GPBP1: variants seen among roughly 807,000 people sequenced by gnomAD.
The protein encoded by GPBP1 is GC-rich promoter binding protein 1, also known as vasculin.
GPBP1 carries 13 observed loss-of-function variants against 56.5 expected under a neutral mutation model. The observed-to-expected ratio is 0.23, with a 90% confidence interval of 0.15 to 0.37. GPBP1 has a LOEUF of 0.37. Among genes scored for constraint, GPBP1 ranks in the 10% least tolerant of loss-of-function variants. The pLI, the probability that GPBP1 is intolerant of heterozygous loss-of-function variation, is 1.00. For synonymous variants in GPBP1, 204 were observed against 188.9 expected, an observed-to-expected ratio of 1.08 and a Z score of -0.66; for missense variants, 477 against 572.3, an observed-to-expected ratio of 0.83 and a Z score of 1.70.
chr5:57,245,240 C>G (rs1240989846), intron 6 of GPBP1, among the ~76,000 whole-genome samples: 3 of 152,098 alleles, frequency 2.0e-5, no homozygotes, highest in Non-Finnish European at 2.9e-5. Flanking sequence ...GAAAGATGAA[C>G]CTTTTCTCAG....
chr5:57,246,226 G>C (rs1057039853), intron 6 of GPBP1, 74 bp from the exon 7 acceptor site: 4 of 1,213,626 alleles, frequency 3.3e-6, no homozygotes, highest in Non-Finnish European at 4.6e-6. Flanking sequence ...GGAATATACT[G>C]TTCTTTTGGT....
At position 57,262,744 on chromosome 5, in the gene GPBP1, G is replaced by C. The variant is rs748673696; in HGVS notation, c.1414G>C (p.Asp472His). The C allele has an allele frequency of 6.2e-7, 1 of 1,612,722 alleles. No individual in the cohort carries two copies. The highest frequency in any genetic ancestry group is 8.5e-7 in the Non-Finnish European group (1 of 1,179,148). ...TAGCAGTGATACATCAGATGACGACGATGTGTGAAGGATTTCCTAACAGCT... is the reference window on the plus strand; with the variant it reads ...TAGCAGTGATACATCAGATGACGACCATGTGTGAAGGATTTCCTAACAGCT... Reference protein sequence around the residue: ...TSSSDTSDDDDV With the variant: ...TSSSDTSDDDHV The change falls in exon 12 of 12, where the codon GAT (aspartate) becomes CAT (histidine). Residue 472 changes from aspartate (D) to histidine (H), a missense_variant. Physicochemically the swap from Asp to His is moderately conservative, Grantham distance 81 (BLOSUM62 -1). This residue lies in a region of GPBP1 where 63 missense variants were observed against 114.0 expected (regional missense o/e 0.55). Coordinates refer to ENST00000506184, the MANE Select transcript of GPBP1 (RefSeq NM_022913.4).
chr5:57,178,681 G>C (rs867389554), intron 2 of GPBP1, among the ~76,000 whole-genome samples: 1 of 152,154 alleles, frequency 6.6e-6, no homozygotes, highest in East Asian at 1.9e-4. Context: ...TCAACTTTGC[G>C]TACAGCAGTT....
chr5:57,226,645 C>CGCCT (rs1561354407), intron 3 of GPBP1, among the ~76,000 whole-genome samples: 1 of 148,450 alleles, frequency 6.7e-6, no homozygotes. Flanking sequence ...CTGCAGCCTC[C>CGCCT]GCCTGCTGGG....
In GPBP1 at chr5:57,236,690, CT is replaced by C. The variant is rs561477295; in HGVS notation, c.478+664del. On this transcript the variant is annotated intron_variant, in intron 6 of 11. Coordinates refer to ENST00000506184, the MANE Select transcript of GPBP1 (RefSeq NM_022913.4). ...AACTCATATAGTACAATTTAGACAGCTTTTTTAAAGATTCAAGTGAAGTTTA... is the reference window on the plus strand; with the variant it reads ...AACTCATATAGTACAATTTAGACAGCTTTTTAAAGATTCAAGTGAAGTTTA... Among the ~76,000 whole-genome samples the C allele has an allele frequency of 3.3e-5, 5 of 151,900 alleles. No homozygotes were observed. The East Asian group carries it at 7.7e-4, about 23-fold the overall frequency.
chr5:57,245,643 A>C (rs183360771), intron 6 of GPBP1: 1 of 152,358 alleles, frequency 6.6e-6, no homozygotes, highest in East Asian at 1.9e-4. Context: ...TATTTTTGGC[A>C]ACTGCAGTAG....
At chr5:57,213,407 T>C (rs1755575752) in intron 2 of GPBP1, among the ~76,000 whole-genome samples, 1 of 152,182 alleles carries the variant, frequency 6.6e-6, no homozygotes, top group South Asian at 2.1e-4. Flanking sequence ...CTAAAGTGAT[T>C]ATTCCTTAGT....
chr5:57,258,440 A>G (rs1441773349), intron 10 of GPBP1, among the ~76,000 whole-genome samples: 3 of 152,148 alleles, frequency 2.0e-5, no homozygotes, highest in Non-Finnish European at 2.9e-5. Context: ...TGTACTGAAT[A>G]TTGTATAGTA....
intron 6 of GPBP1, chr5:57,246,008 C>T (rs1580069643): frequency 4.4e-6 from 1 of 225,128 alleles, no homozygotes. Context: ...TAATGCAAGG[C>T]ATGTTAAAAT....
At chr5:57,225,761 CACTG>C (rs1756159332) in intron 3 of GPBP1, among the ~76,000 whole-genome samples, 1 of 152,160 alleles carries the variant, frequency 6.6e-6, no homozygotes, top group Non-Finnish European at 1.5e-5. Flanking sequence ...GAGGAGATGA[CACTG>C]ACACACTGCT....
At position 57,256,316 on chromosome 5, in the gene GPBP1, G is replaced by GA. The variant is rs558883620; in HGVS notation, c.1161-4855dup. Among the ~76,000 whole-genome samples, 7 of 149,190 alleles carry GA rather than the reference G, an allele frequency of 4.7e-5. No homozygotes were observed. The South Asian group carries it at 6.4e-4, about 14-fold the overall frequency. On this transcript the variant is annotated intron_variant, in intron 10 of 11. Coordinates refer to ENST00000506184, the MANE Select transcript of GPBP1 (RefSeq NM_022913.4). ...TTGGAGTAAGCTCTAGAGGGAGGGG[G>GA]AAAAAAAAACACCCCATACTGCATG...
rs370988555 is a variant in GPBP1, at chr5:57,182,685, CTTAT to C, written c.-58+6296_-58+6299del. The stretch of plus-strand genomic sequence containing the variant: ...CGCACTCGGCTTCTTCTCTTTAATT[CTTAT>C]TTATTTATTTTTGAGACAAAGTGTC... On this transcript the variant is annotated intron_variant, in intron 2 of 11. Transcript: ENST00000506184. Among the ~76,000 whole-genome samples the C allele has an allele frequency of 3.0e-3, 448 of 150,910 alleles. 1 individual carries two copies. Among genetic ancestry groups the C allele is most frequent in the Middle Eastern group, 0.01 (3 of 292 alleles).
chr5:57,175,466 T>A lies in GPBP1; in HGVS notation c.-992T>A. 1 of 398,610 alleles carries A rather than the reference T, an allele frequency of 2.5e-6. No homozygotes were observed. The highest frequency in any genetic ancestry group is 4.4e-6 in the Non-Finnish European group (1 of 226,052). The allele number at this position is 398,610 out of a possible 1,614,324, so 24.7% of individuals were successfully genotyped here. A position where few individuals can be genotyped will look rare whatever the true frequency, so the allele number is the denominator to read the frequency against. On this transcript the variant is annotated 5_prime_UTR_variant, in exon 2 of 12. Coordinates refer to ENST00000506184, the MANE Select transcript of GPBP1 (RefSeq NM_022913.4). ...TTTACAGGTGATTGAATTACTCAGA[T>A]ATGAAGATCATCATCTAGGTTTTGT...
intron 2 of GPBP1, among the ~76,000 whole-genome samples, chr5:57,212,672 C>CTTTTTTTT (rs550327781): frequency 7.2e-6 from 1 of 139,744 alleles, no homozygotes; most frequent in Non-Finnish European, 1.6e-5. Context: ...TTCTTTTTTT[C>CTTTTTTTT]TTTTTTTTTT....
chr5:57,177,954 T>C (rs75461474), intron 2 of GPBP1, among the ~76,000 whole-genome samples: 70 of 152,280 alleles, frequency 4.6e-4, no homozygotes, highest in Admixed American at 2.0e-3. Flanking sequence ...GAGTTTTTTT[T>C]CTCTGAAATT....
Position 57,246,344 on chromosome 5 carries a change from A to G in GPBP1, c.523A>G (p.Ile175Val). The change falls in exon 7 of 12, where the codon ATT becomes GTT. Residue 175 changes from isoleucine (I) to valine (V), a missense_variant. Physicochemically the swap from Ile to Val is conservative, Grantham distance 29. This residue lies in a region of GPBP1 where 414 missense variants were observed against 458.2 expected (regional missense o/e 0.90). Coordinates refer to ENST00000506184, the MANE Select transcript of GPBP1 (RefSeq NM_022913.4). The part of the protein sequence containing the change: ...PKSRAPRMLV[I>V]KKGNTKDLQL... ...ATCTAGAGCTCCAAGGATGCTGGTC[A>G]TTAAGAAAGGTAATACAAAAGACTT... 1 of 1,613,874 alleles carries G rather than the reference A, an allele frequency of 6.2e-7. No homozygotes were observed. The highest frequency in any genetic ancestry group is 1.1e-5 in the South Asian group (1 of 91,070).
At chr5:57,247,456 G>A (rs1207461174) in intron 8 of GPBP1, among the ~76,000 whole-genome samples, 1 of 152,056 alleles carries the variant, frequency 6.6e-6, no homozygotes, top group Non-Finnish European at 1.5e-5. Context: ...TTGGGAAGTG[G>A]GACAGGAGGA....
intron 6 of GPBP1, chr5:57,237,336 T>A: frequency 1.6e-6 from 1 of 628,870 alleles, no homozygotes; most frequent in East Asian, 2.7e-5. Context: ...GTTTGTCATA[T>A]AAAACTATCT....
chr5:57,198,753 T>A (rs1260893747), intron 2 of GPBP1, among the ~76,000 whole-genome samples: 1 of 151,964 alleles, frequency 6.6e-6, no homozygotes, highest in African/African-American at 2.4e-5. Context: ...GAGGCTGAGG[T>A]GGGAGAATTG....
Sources: allele counts gnomAD v4.1 joint callset (sites outside exome capture counted in the v4.1 genomes callset), GRCh38; gene constraint gnomAD v4.1.1; regional missense constraint gnomAD v4.1.1; transcripts MANE v1.5; gene names NCBI Gene and HGNC (gene_info 2026-07-23, HGNC 2026-07-21).